UBE2E2: variants seen among roughly 807,000 people sequenced by gnomAD.
UBE2E2 encodes the protein ubiquitin-conjugating enzyme E2 E2.
In UBE2E2, 6 loss-of-function variants were observed where a neutral mutation model predicts 24.7. The observed-to-expected ratio is 0.24, with a 90% confidence interval of 0.13 to 0.48. The LOEUF is 0.48. UBE2E2 is among the 20% of genes least tolerant of loss of function. The pLI is 0.99. For missense variants in UBE2E2, 169 were observed against 245.0 expected, an observed-to-expected ratio of 0.69 and a Z score of 2.07; for synonymous variants, 104 against 83.6, an observed-to-expected ratio of 1.24 and a Z score of -1.33.
At chr3:23,492,085 A>G (rs980550624) in intron 3 of UBE2E2, among the ~76,000 whole-genome samples, 1 of 152,196 alleles carries the variant, frequency 6.6e-6, no homozygotes, top group African/African-American at 2.4e-5. Flanking sequence ...AGCTGAGGGT[A>G]GAACCCCTAA....
chr3:23,418,063 G>A (rs1390447234), intron 3 of UBE2E2, among the ~76,000 whole-genome samples: 2 of 152,118 alleles, frequency 1.3e-5, no homozygotes, highest in African/African-American at 4.8e-5. Context: ...CCAGGGGAGT[G>A]AACGGTTCTG....
chr3:23,403,546 C>G (rs1401625227), intron 3 of UBE2E2, among the ~76,000 whole-genome samples: 1 of 152,194 alleles, frequency 6.6e-6, no homozygotes, highest in Non-Finnish European at 1.5e-5. Context: ...AGGGGCTGGG[C>G]ACAGTGGCTC....
intron 3 of UBE2E2, among the ~76,000 whole-genome samples, chr3:23,339,812 A>G (rs988599513): frequency 6.6e-6 from 1 of 152,116 alleles, no homozygotes; most frequent in African/African-American, 2.4e-5. Context: ...CTTGAAATAC[A>G]GTAATTGCAC....
At chr3:23,516,926 A>G (rs143384654) in intron 4 of UBE2E2, among the ~76,000 whole-genome samples, 1,554 of 152,260 alleles carry the variant, frequency 0.01, 14 homozygotes, top group Middle Eastern at 0.02. Flanking sequence ...CCACTTTACT[A>G]TGATGATATG....
At chr3:23,428,652 G>A (rs544176303) in intron 3 of UBE2E2, among the ~76,000 whole-genome samples, 2 of 152,174 alleles carry the variant, frequency 1.3e-5, no homozygotes, top group Admixed American at 6.6e-5. Context: ...CAAAAAAAGA[G>A]AGAGAAGACA....
At chr3:23,536,448 TCTA>T (rs1234592759) in intron 5 of UBE2E2, among the ~76,000 whole-genome samples, 10 of 152,218 alleles carry the variant, frequency 6.6e-5, no homozygotes, top group African/African-American at 2.2e-4. Flanking sequence ...ATTTGTCTGC[TCTA>T]CTACTGTTAC....
At chr3:23,436,943 A>G (rs1483009965) in intron 3 of UBE2E2, among the ~76,000 whole-genome samples, 2 of 152,246 alleles carry the variant, frequency 1.3e-5, no homozygotes, top group South Asian at 2.1e-4. Context: ...TTAAAAAATA[A>G]TAGCTGGTTT....
At chr3:23,315,259 C>G (rs1055088018) in intron 3 of UBE2E2, among the ~76,000 whole-genome samples, 7 of 151,680 alleles carry the variant, frequency 4.6e-5, no homozygotes, top group Non-Finnish European at 1.0e-4. Flanking sequence ...GGGAGTACTG[C>G]TAGGCTACCT....
chr3:23,241,607 A>G (rs934046075), intron 3 of UBE2E2, among the ~76,000 whole-genome samples: 3 of 151,750 alleles, frequency 2.0e-5, no homozygotes, highest in Non-Finnish European at 2.9e-5. Flanking sequence ...CGGTGAGGCT[A>G]ACCCTGATCA....
At chr3:23,269,223 A>G (rs1043294851) in intron 3 of UBE2E2, among the ~76,000 whole-genome samples, 2 of 145,750 alleles carry the variant, frequency 1.4e-5, no homozygotes, top group Admixed American at 1.3e-4. Flanking sequence ...AAACTAAAGA[A>G]CTTCTGCACA....
At chr3:23,307,280 C>T (rs1344028297) in intron 3 of UBE2E2, among the ~76,000 whole-genome samples, 4 of 152,102 alleles carry the variant, frequency 2.6e-5, no homozygotes. Context: ...TCTGTATAGT[C>T]ATTCTTCAAG....
intron 5 of UBE2E2, among the ~76,000 whole-genome samples, chr3:23,571,898 T>TA (rs1183581224): frequency 6.6e-6 from 1 of 152,164 alleles, no homozygotes; most frequent in Admixed American, 6.5e-5. Flanking sequence ...ACTCCCAAGG[T>TA]AGTAGCTCAG....
At chr3:23,524,983 C>T (rs1211178980) in intron 4 of UBE2E2, among the ~76,000 whole-genome samples, 8 of 151,950 alleles carry the variant, frequency 5.3e-5, no homozygotes, top group African/African-American at 1.2e-4. Context: ...CTTATAGTTC[C>T]GTGGGTCAGA....
intron 3 of UBE2E2, among the ~76,000 whole-genome samples, chr3:23,478,389 C>CTT (rs1286562053): frequency 6.6e-6 from 1 of 152,030 alleles, no homozygotes. Context: ...GACTGATCAC[C>CTT]AAAGGAAATT....
chr3:23,564,322 T>G (rs536316424), intron 5 of UBE2E2, among the ~76,000 whole-genome samples: 1 of 152,014 alleles, frequency 6.6e-6, no homozygotes, highest in Admixed American at 6.6e-5. Flanking sequence ...TATAGAAAAA[T>G]AGGTGGAGCT....
Position 23,589,615 on chromosome 3 carries a change from G to T in UBE2E2, c.509-119G>T. ...TGACTGGCTCAGCCGCAGCAATGGTGGTCCAGGTTAGAACAGCAGCTTCTC... is the reference window on the plus strand; with the variant it reads ...TGACTGGCTCAGCCGCAGCAATGGTTGTCCAGGTTAGAACAGCAGCTTCTC... On this transcript the variant is annotated intron_variant, in intron 5 of 5. Coordinates refer to ENST00000396703, the MANE Select transcript of UBE2E2 (RefSeq NM_152653.4). The surrounding 1 kb of genome is among the most constrained non-coding windows in gnomAD (Gnocchi z 4.1). The T allele has an allele frequency of 1.1e-6, 1 of 943,400 alleles. No homozygotes were observed. Among genetic ancestry groups the T allele is most frequent in the Non-Finnish European group, 1.6e-6 (1 of 615,538 alleles). The allele number at this position is 943,400 out of a possible 1,614,324, so 58.4% of individuals were successfully genotyped here.
At chr3:23,425,578 G>A (rs1464085640) in intron 3 of UBE2E2, among the ~76,000 whole-genome samples, 1 of 152,154 alleles carries the variant, frequency 6.6e-6, no homozygotes, top group Admixed American at 6.6e-5. Context: ...ACCACCCCCA[G>A]ATTGAAGAGA....
At chr3:23,393,006 T>A (rs1696976719) in intron 3 of UBE2E2, among the ~76,000 whole-genome samples, 1 of 152,132 alleles carries the variant, frequency 6.6e-6, no homozygotes, top group African/African-American at 2.4e-5. Context: ...AGGCCAAATC[T>A]TACAGAGCCT....
intron 3 of UBE2E2, among the ~76,000 whole-genome samples, chr3:23,478,842 A>G (rs889062770): frequency 5.9e-5 from 9 of 151,818 alleles, no homozygotes; most frequent in Non-Finnish European, 1.2e-4. Flanking sequence ...GGAGATCAGA[A>G]CCAGCCTGGG....
Sources: allele counts gnomAD v4.1 joint callset (sites outside exome capture counted in the v4.1 genomes callset), GRCh38; gene constraint gnomAD v4.1.1; non-coding constraint Gnocchi (gnomAD v3.1); transcripts MANE v1.5; gene names NCBI Gene and HGNC (gene_info 2026-07-23, HGNC 2026-07-21).